The following ATL1 variants were observed in gnomAD, a reference collection of about 807,000 sequenced individuals.
ATL1 encodes atlastin GTPase 1.
In ATL1, 31 loss-of-function variants were observed where a neutral mutation model predicts 75.5. The observed-to-expected ratio is 0.41, with a 90% CI of 0.31 to 0.55. The LOEUF (loss-of-function observed/expected upper bound fraction) is 0.55. Ranked by LOEUF, ATL1 falls within the 20% of genes least tolerant of loss-of-function variation. ATL1 has a pLI of 0.27. For synonymous variants in ATL1, 226 were observed against 233.3 expected (o/e 0.97, Z 0.28); for missense variants, 405 against 662.6 (o/e 0.61, Z 4.27).
At chr14:50,598,912 A>G (rs572279063) in intron 6 of ATL1, among the ~76,000 whole-genome samples, 3 of 152,196 alleles carry the variant, frequency 2.0e-5, no homozygotes, top group Non-Finnish European at 4.4e-5. Flanking sequence ...AAAGAGCTGG[A>G]TTTTTACTAA....
At chr14:50,598,978 A>G (rs2039246900) in intron 6 of ATL1, among the ~76,000 whole-genome samples, 1 of 141,590 alleles carries the variant, frequency 7.1e-6, no homozygotes, top group Admixed American at 7.1e-5. Context: ...TGCAAGTTAA[A>G]ACTATAAAGC....
chr14:50,586,874 T>C (rs1161155096), intron 1 of ATL1, among the ~76,000 whole-genome samples: 2 of 152,138 alleles, frequency 1.3e-5, no homozygotes, highest in Admixed American at 1.3e-4. Flanking sequence ...TTCTCATGTG[T>C]CAAAAATACA....
At chr14:50,623,601 T>G (rs1037393711) in intron 11 of ATL1, among the ~76,000 whole-genome samples, 29 of 151,750 alleles carry the variant, frequency 1.9e-4, no homozygotes, top group Middle Eastern at 6.8e-3. Flanking sequence ...GTATTTCTCT[T>G]AAAGATTAAA....
chr14:50,543,398 A>G lies in ATL1; in HGVS notation c.-140+10031A>G, dbSNP rs560445646. On this transcript the variant is annotated intron_variant, in intron 1 of 13. Transcript: ENST00000441560. The stretch of plus-strand genomic sequence containing the variant: ...CCTGTCATCATGGGAATAGATACAT[A>G]TTCTAGGTAGAGGTTTACCTTCCCT... 3.9e-5 allele frequency among the ~76,000 whole-genome samples: 6 copies of G among 152,354 alleles called. No individual in the cohort carries two copies. The East Asian group carries it at 9.6e-4, about 24-fold the overall frequency.
intron 1 of ATL1, among the ~76,000 whole-genome samples, chr14:50,566,904 A>G (rs59893937): frequency 0.011 from 1,683 of 152,266 alleles, 29 homozygotes; most frequent in African/African-American, 0.038. Context: ...ATCGTCTTCT[A>G]TATTATCTGG....
chr14:50,573,191 A>C (rs537123899), intron 1 of ATL1, among the ~76,000 whole-genome samples: 1 of 152,206 alleles, frequency 6.6e-6, no homozygotes, highest in Non-Finnish European at 1.5e-5. Context: ...GAGCCAGACC[A>C]TATCAGTGTC....
chr14:50,622,320 G>A (rs755772705), intron 10 of ATL1, among the ~76,000 whole-genome samples: 1 of 152,190 alleles, frequency 6.6e-6, no homozygotes, highest in Non-Finnish European at 1.5e-5. Flanking sequence ...CTTGAGCCCA[G>A]GAGTTTGAGT....
At chr14:50,605,447 TTC>T (rs2039308407) in intron 6 of ATL1, among the ~76,000 whole-genome samples, 1 of 151,966 alleles carries the variant, frequency 6.6e-6, no homozygotes. Flanking sequence ...AACCTTTTTA[TTC>T]TGAGTCTATA....
chr14:50,593,484 T>G (rs1442747974), intron 4 of ATL1, among the ~76,000 whole-genome samples: 1 of 152,204 alleles, frequency 6.6e-6, no homozygotes, highest in Non-Finnish European at 1.5e-5. Context: ...TCAACATGAT[T>G]TTTCAAAACA....
At chr14:50,556,045 G>A (rs1032140398), upstream of ATL1, among the ~76,000 whole-genome samples, 14 of 152,096 alleles carry the variant, frequency 9.2e-5, no homozygotes, top group Non-Finnish European at 1.5e-5. Flanking sequence ...GTAACATCCC[G>A]GAAGAGTCAG....
chr14:50,623,805 C>G (rs983524764), intron 11 of ATL1, among the ~76,000 whole-genome samples: 1 of 152,034 alleles, frequency 6.6e-6, no homozygotes, highest in African/African-American at 2.4e-5. Flanking sequence ...AATCCCAGCA[C>G]TTTGGGAGGC....
At chr14:50,566,792 C>T (rs2934697) in intron 1 of ATL1, among the ~76,000 whole-genome samples, 151,297 of 152,284 alleles carry the variant, frequency 0.99, 75,172 homozygotes, top group Middle Eastern at 1. Context: ...TTTTAATAAA[C>T]AGACATTATG....
At chr14:50,588,724 T>TA (rs566992006) in intron 2 of ATL1, among the ~76,000 whole-genome samples, 69 of 151,302 alleles carry the variant, frequency 4.6e-4, no homozygotes, top group Admixed American at 1.4e-3. Context: ...CTGTCTCTAC[T>TA]AAAAAAAAAC....
chr14:50,604,809 AC>A (rs1340343802), intron 6 of ATL1, among the ~76,000 whole-genome samples: 7 of 152,088 alleles, frequency 4.6e-5, no homozygotes, highest in Admixed American at 4.6e-4. Context: ...AAAAGAAAAT[AC>A]CATATTTCGT....
chr14:50,613,871 A>T (rs1224888000), intron 7 of ATL1, among the ~76,000 whole-genome samples: 2 of 152,232 alleles, frequency 1.3e-5, no homozygotes, highest in East Asian at 3.8e-4. Context: ...ATTAAAAACT[A>T]TCAAATATGT....
intron 1 of ATL1, among the ~76,000 whole-genome samples, chr14:50,553,757 A>T (rs1250732297): frequency 6.6e-6 from 1 of 152,222 alleles, no homozygotes; most frequent in Non-Finnish European, 1.5e-5. Flanking sequence ...TACACCATGG[A>T]ATATTACTCA....
chr14:50,562,748 A>G (rs2038862948), intron 1 of ATL1, among the ~76,000 whole-genome samples: 1 of 152,210 alleles, frequency 6.6e-6, no homozygotes, highest in Non-Finnish European at 1.5e-5. Context: ...TTGATGTTCT[A>G]TGGAAATGCT....
intron 1 of ATL1, among the ~76,000 whole-genome samples, chr14:50,574,927 GTGTGTGTGTGTA>G (rs1566718795): frequency 7.4e-5 from 7 of 95,060 alleles, no homozygotes; most frequent in Non-Finnish European, 1.4e-4. Context: ...GTGTGTGTGT[GTGTGTGTGTGTA>G]TATATATATA....
intron 1 of ATL1, among the ~76,000 whole-genome samples, chr14:50,544,866 G>A (rs2140151017): frequency 7.0e-6 from 1 of 142,526 alleles, no homozygotes; most frequent in African/African-American, 2.6e-5. Flanking sequence ...GAGCCTGGGA[G>A]ATGGATGCTG....
Sources: allele counts gnomAD v4.1 joint callset (sites outside exome capture counted in the v4.1 genomes callset), GRCh38; gene constraint gnomAD v4.1.1; transcripts MANE v1.5; gene names NCBI Gene and HGNC (gene_info 2026-07-23, HGNC 2026-07-21).